Variants in C1orf21 observed in about 807,000 individuals in gnomAD.
C1orf21 encodes uncharacterized protein C1orf21.
In C1orf21, 3 loss-of-function variants were observed where a neutral mutation model predicts 18.7. The ratio of observed to expected loss-of-function variants is 0.16; its 90% CI spans 0.07 to 0.42. The LOEUF is 0.42. Among genes scored for constraint, C1orf21 ranks in the 10% least tolerant of loss-of-function variants. The pLI, the probability that C1orf21 is intolerant of heterozygous loss-of-function variation, is 0.99. For missense variants in C1orf21, 104 were observed against 143.6 expected (o/e 0.72, Z 1.41); for synonymous variants, 41 against 46.4 (o/e 0.88, Z 0.47).
chr1:184,412,314 T>C (rs1392331067), intron 1 of C1orf21: 1 of 152,276 alleles, frequency 6.6e-6, no homozygotes, highest in East Asian at 1.9e-4. Context: ...CTCAGGGTAA[T>C]GTGAACCTGT....
chr1:184,593,534 A>G (rs1258823781), intron 4 of C1orf21, among the ~76,000 whole-genome samples: 1 of 152,198 alleles, frequency 6.6e-6, no homozygotes, highest in Admixed American at 6.5e-5. Flanking sequence ...AAGGCATGTC[A>G]TCCTCATACC....
chr1:184,392,303 A>G (rs1655980813), intron 1 of C1orf21, among the ~76,000 whole-genome samples: 1 of 152,178 alleles, frequency 6.6e-6, no homozygotes, highest in Non-Finnish European at 1.5e-5. Context: ...GTCCAGGGAA[A>G]GCTCAGGAAG....
At chr1:184,485,168 T>C (rs1657715097) in intron 2 of C1orf21, among the ~76,000 whole-genome samples, 1 of 152,066 alleles carries the variant, frequency 6.6e-6, no homozygotes, top group Admixed American at 6.6e-5. Flanking sequence ...TCCAGCACAG[T>C]ACCCATGAGC....
chr1:184,492,343 G>A (rs1657828699), intron 2 of C1orf21, among the ~76,000 whole-genome samples: 1 of 152,184 alleles, frequency 6.6e-6, no homozygotes, highest in Admixed American at 6.5e-5. Context: ...GAGTGCTAAT[G>A]TTCAAAGGTT....
intron 3 of C1orf21, among the ~76,000 whole-genome samples, chr1:184,560,175 G>A (rs371789337): frequency 3.9e-5 from 6 of 152,030 alleles, no homozygotes; most frequent in African/African-American, 4.8e-5. Flanking sequence ...CAGAGTAGAC[G>A]CACATTAAAC....
intron 5 of C1orf21, among the ~76,000 whole-genome samples, chr1:184,615,900 A>G (rs1571303644): frequency 6.6e-6 from 1 of 152,222 alleles, no homozygotes; most frequent in Non-Finnish European, 1.5e-5. Flanking sequence ...GGTACTTAGT[A>G]TATGTATCAT....
chr1:184,460,163 G>C (rs1483196381), intron 1 of C1orf21, among the ~76,000 whole-genome samples: 1 of 152,150 alleles, frequency 6.6e-6, no homozygotes, highest in Non-Finnish European at 1.5e-5. Context: ...CCGCAGATTT[G>C]ATTCAAAATC....
At chr1:184,432,599 G>A (rs753550110) in intron 1 of C1orf21, among the ~76,000 whole-genome samples, 15 of 151,828 alleles carry the variant, frequency 9.9e-5, no homozygotes, top group East Asian at 1.9e-4. Flanking sequence ...GCAAACCACC[G>A]TGGCACATGT....
intron 1 of C1orf21, among the ~76,000 whole-genome samples, chr1:184,420,070 A>G (rs2101966176): frequency 6.6e-6 from 1 of 152,290 alleles, no homozygotes; most frequent in South Asian, 2.1e-4. Flanking sequence ...TAGAATGTGG[A>G]GTCAGAGGTC....
chr1:184,577,509 C>A (rs1659210126), intron 3 of C1orf21, among the ~76,000 whole-genome samples: 1 of 152,062 alleles, frequency 6.6e-6, no homozygotes, highest in Non-Finnish European at 1.5e-5. Context: ...TTTCTGGGCA[C>A]TGACAGTTTT....
intron 1 of C1orf21, among the ~76,000 whole-genome samples, chr1:184,411,763 A>G (rs560269154): frequency 7.2e-5 from 11 of 152,336 alleles, no homozygotes; most frequent in South Asian, 2.1e-4. Flanking sequence ...AAGAGCTTCT[A>G]TATGTTCTGT....
At chr1:184,573,704 G>A (rs1359588502) in intron 3 of C1orf21, among the ~76,000 whole-genome samples, 1 of 152,130 alleles carries the variant, frequency 6.6e-6, no homozygotes, top group Non-Finnish European at 1.5e-5. Context: ...GGTGAATAAT[G>A]TGGAGTATTG....
At chr1:184,595,998 A>G (rs1404299588) in intron 4 of C1orf21, among the ~76,000 whole-genome samples, 1 of 152,212 alleles carries the variant, frequency 6.6e-6, no homozygotes, top group Admixed American at 6.5e-5. Flanking sequence ...TTGCTTTCCT[A>G]CATAAGCATC....
intron 2 of C1orf21, among the ~76,000 whole-genome samples, chr1:184,505,784 ATTATT>A (rs2101963120): frequency 6.6e-6 from 1 of 152,132 alleles, no homozygotes; most frequent in South Asian, 2.1e-4. Flanking sequence ...AAACAAAAAA[ATTATT>A]AAGAGTAATT....
At chr1:184,563,480 T>TA (rs1658993422) in intron 3 of C1orf21, among the ~76,000 whole-genome samples, 1 of 152,102 alleles carries the variant, frequency 6.6e-6, no homozygotes, top group Non-Finnish European at 1.5e-5. Context: ...ACCAAATGGA[T>TA]AAAAACCTTA....
chr1:184,516,963 C>T (rs540250601), intron 3 of C1orf21, among the ~76,000 whole-genome samples: 6 of 152,276 alleles, frequency 3.9e-5, no homozygotes, highest in South Asian at 4.1e-4. Context: ...GGCCCTGATC[C>T]GCAGAATAAG....
At chr1:184,479,681 G>A (rs1479697797) in intron 2 of C1orf21, among the ~76,000 whole-genome samples, 1 of 141,238 alleles carries the variant, frequency 7.1e-6, no homozygotes, top group Non-Finnish European at 1.5e-5. Context: ...GTGCAGTGGT[G>A]CGATCAGGGT....
intron 1 of C1orf21, among the ~76,000 whole-genome samples, chr1:184,455,976 C>T (rs1281822568): frequency 2.0e-5 from 3 of 152,180 alleles, no homozygotes; most frequent in Admixed American, 6.6e-5. Flanking sequence ...TGTGAGTATA[C>T]AGTTGTAACT....
At chr1:184,401,519 G>C (rs967255261) in intron 1 of C1orf21, among the ~76,000 whole-genome samples, 11 of 152,070 alleles carry the variant, frequency 7.2e-5, no homozygotes, top group African/African-American at 2.4e-4. Flanking sequence ...GAGCCACGGC[G>C]CCCAGCCCCC....
Sources: allele counts gnomAD v4.1 joint callset (sites outside exome capture counted in the v4.1 genomes callset), GRCh38; gene constraint gnomAD v4.1.1; transcripts MANE v1.5; gene names NCBI Gene and HGNC (gene_info 2026-07-23, HGNC 2026-07-21).